Variants in GORAB observed in about 807,000 individuals in gnomAD.
GORAB encodes RAB6-interacting golgin.
Under a neutral mutation model 29.9 loss-of-function variants are expected in GORAB, and 17 were observed. The observed-to-expected ratio is 0.57, with a 90% CI of 0.39 to 0.85. The LOEUF (loss-of-function observed/expected upper bound fraction) is 0.85. Ranked by LOEUF, GORAB falls within the 40% of genes least tolerant of loss-of-function variation. The probability of loss-of-function intolerance (pLI) is 0.00; values close to 1 mark genes in which losing one functional copy is unlikely to be tolerated. For missense variants in GORAB, 442 were observed against 437.8 expected (o/e 1.01, Z -0.09); for synonymous variants, 183 against 157.2 (o/e 1.16, Z -1.23).
Position 170,552,375 on chromosome 1 carries a change from G to A in GORAB, c.1023G>A (p.Gln341=), listed in dbSNP as rs755608590. The change falls in exon 5 of 5, where the codon CAG becomes CAA. Residue 341 remains glutamine (Q), a synonymous_variant. Coordinates refer to ENST00000367763, the MANE Select transcript of GORAB (RefSeq NM_152281.3). ...EQAVSPKVDD[Q]CGNSSSIPFL... is the part of the protein sequence containing the mutation. ...CTGTTTCCCCAAAGGTAGATGACCA[G>A]TGTGGAAATTCCAGTAGCATCCCCT... 1 of 1,614,104 alleles carries A rather than the reference G, an allele frequency of 6.2e-7. No individual in the cohort carries two copies. Among genetic ancestry groups the A allele is most frequent in the South Asian group, 1.1e-5 (1 of 91,086 alleles).
At chr1:170,534,936 G>A (rs940617218) in intron 1 of GORAB, among the ~76,000 whole-genome samples, 1 of 152,168 alleles carries the variant, frequency 6.6e-6, no homozygotes, top group Non-Finnish European at 1.5e-5. Context: ...GTTAAGACAA[G>A]TTAAGCTAAA....
In GORAB at chr1:170,539,474, A is replaced by C. The variant is rs1226717928; in HGVS notation, c.326A>C (p.Glu109Ala). 4 of 1,614,028 alleles carry C rather than the reference A, an allele frequency of 2.5e-6. No individual in the cohort carries two copies. Among genetic ancestry groups the C allele is most frequent in the Non-Finnish European group, 3.4e-6 (4 of 1,180,004 alleles). The stretch of plus-strand genomic sequence containing the variant: ...CAGGGCATTGAAAGTCAGCCAAAGG[A>C]ACTGGGACTTGAGAATTCCCATGAT... ...QPQGIESQPK[E>A]LGLENSHDGH... is the part of the protein sequence containing the mutation. Residue 109 changes from glutamate to alanine, a missense_variant, in exon 2 of 5, where the codon GAA (glutamate) becomes GCA (alanine). Transcript: ENST00000367763.
rs1650243305 is a variant in GORAB at position 170,553,297 on chromosome 1, A to G, written c.*835A>G. ...AGTTATCTATAAATATGTTTTTGAT[A>G]TGTTGGACATGAATTACCCTGTCAT... On this transcript the variant is annotated 3_prime_UTR_variant, in exon 5 of 5. Coordinates refer to ENST00000367763, the MANE Select transcript of GORAB (RefSeq NM_152281.3). The G allele has an allele frequency of 2.2e-6, 1 of 451,082 alleles. No homozygotes were observed. The highest frequency in any genetic ancestry group is 2.0e-5 in the African/African-American group (1 of 49,948). 27.9% of individuals were successfully genotyped at this position (451,082 alleles called of 1,614,324 possible).
In GORAB at chr1:170,553,155, A is replaced by G. The variant is rs1364726833; in HGVS notation, c.*693A>G. ...TTACTATTTTATTGTCTTTCCTTTA[A>G]TCGATGAATTGATTAAATTTAGACA... is the stretch of plus-strand genomic sequence containing the variant. On this transcript the variant is annotated 3_prime_UTR_variant, in exon 5 of 5. Coordinates refer to ENST00000367763, the MANE Select transcript of GORAB (RefSeq NM_152281.3). The G allele has an allele frequency of 2.3e-6, 1 of 433,722 alleles. No individual in the cohort carries two copies. 26.9% of individuals were successfully genotyped at this position (433,722 alleles called of 1,614,324 possible).
At chr1:170,544,942 C>T (rs1205063246) in intron 4 of GORAB, 97 bp downstream of exon 4, 1 of 1,533,432 alleles carries the variant, frequency 6.5e-7, no homozygotes, top group Non-Finnish European at 8.8e-7. Flanking sequence ...TCATTGAAGC[C>T]TCAAAACAAC....
Position 170,552,526 on chromosome 1 carries a change from G to A in GORAB, c.*64G>A. ...AAGTATACTTTTTGCAGTAGATCAT[G>A]CCCTGACCTCCAATAAAAACCTCTT... is the stretch of plus-strand genomic sequence containing the variant. On this transcript the variant is annotated 3_prime_UTR_variant, in exon 5 of 5. Transcript: ENST00000367763. 1 of 1,282,584 alleles carries A rather than the reference G, an allele frequency of 7.8e-7. No individual in the cohort carries two copies. Among genetic ancestry groups the A allele is most frequent in the Non-Finnish European group, 1.1e-6 (1 of 883,766 alleles). 79.5% of individuals were successfully genotyped at this position (1,282,584 alleles called of 1,614,324 possible).
At chr1:170,533,628 G>A in intron 1 of GORAB, 1 of 437,642 alleles carries the variant, frequency 2.3e-6, no homozygotes. Context: ...AAGTTTGTGT[G>A]TTAGCAGAGG....
At chr1:170,547,398 C>T (rs1649826578) in intron 4 of GORAB, among the ~76,000 whole-genome samples, 1 of 90,440 alleles carries the variant, frequency 1.1e-5, no homozygotes, top group Non-Finnish European at 2.4e-5. Flanking sequence ...GAGAGAGTTG[C>T]TGCTGCTGCT....
rs561272998 is a variant in GORAB at position 170,548,625 on chromosome 1, C to G, written c.663-3390C>G. Among the ~76,000 whole-genome samples, 10 of 152,266 alleles carry G rather than the reference C, an allele frequency of 6.6e-5. No homozygotes were observed. In the South Asian group the frequency reaches 2.1e-3, roughly 32 times the overall value. On this transcript the variant is annotated intron_variant, in intron 4 of 4. Coordinates refer to ENST00000367763, the MANE Select transcript of GORAB (RefSeq NM_152281.3). Reference sequence around the variant, plus strand: ...TGTTTTCAGTCTTCTTTTATACTTTCTGGAGGTGACATGATACTTTGTACA... The same window carrying G: ...TGTTTTCAGTCTTCTTTTATACTTTGTGGAGGTGACATGATACTTTGTACA...
At chr1:170,540,932 G>C (rs921508852) in intron 2 of GORAB, among the ~76,000 whole-genome samples, 2 of 152,152 alleles carry the variant, frequency 1.3e-5, no homozygotes, top group Non-Finnish European at 2.9e-5. Flanking sequence ...GACAGGCGTG[G>C]TGGCCCACAC....
At chr1:170,541,470 T>C (rs1224246446) in intron 2 of GORAB, among the ~76,000 whole-genome samples, 1 of 151,932 alleles carries the variant, frequency 6.6e-6, no homozygotes, top group Non-Finnish European at 1.5e-5. Flanking sequence ...CTAAGGCGCC[T>C]GGTGAGGAGA....
At position 170,553,326 on chromosome 1, in the gene GORAB, G is replaced by A. The variant is rs754691262; in HGVS notation, c.*864G>A. On this transcript the variant is annotated 3_prime_UTR_variant, in exon 5 of 5. Coordinates refer to ENST00000367763, the MANE Select transcript of GORAB (RefSeq NM_152281.3). Reference sequence around the variant, plus strand: ...TGGACATGAATTACCCTGTCATGAAGCGTTTAAATTGTTAAAATGCTGATT... The same window carrying A: ...TGGACATGAATTACCCTGTCATGAAACGTTTAAATTGTTAAAATGCTGATT... 1.5e-5 allele frequency: 7 copies of A among 452,546 alleles called. No homozygotes were observed. Among genetic ancestry groups the A allele is most frequent in the South Asian group, 1.1e-4 (7 of 63,692 alleles). The allele number at this position is 452,546 out of a possible 1,614,324, so 28.0% of individuals were successfully genotyped here.
intron 4 of GORAB, 53 bp from the exon 5 acceptor site, chr1:170,551,962 A>G (rs1225611144): frequency 4.0e-6 from 6 of 1,483,594 alleles, no homozygotes; most frequent in Admixed American, 1.8e-5. Context: ...CCTCTTTTGA[A>G]TATCTTCTTC....
At chr1:170,547,425 CTGCTGCT>C in intron 4 of GORAB, among the ~76,000 whole-genome samples, 1 of 134,874 alleles carries the variant, frequency 7.4e-6, no homozygotes, top group Non-Finnish European at 1.5e-5. Context: ...ACTGCTGCTA[CTGCTGCT>C]ACTGCTGCTA....
intron 1 of GORAB, among the ~76,000 whole-genome samples, chr1:170,536,634 A>G (rs1003169672): frequency 2.0e-5 from 3 of 152,238 alleles, no homozygotes; most frequent in African/African-American, 7.2e-5. Flanking sequence ...TAAGAGACAC[A>G]TTATTGAAAT....
At chr1:170,542,633 A>G (rs1310439285) in intron 3 of GORAB, 41 bp downstream of exon 3, 15 of 1,237,960 alleles carry the variant, frequency 1.2e-5, no homozygotes, top group Non-Finnish European at 1.8e-5. Context: ...GTAACCTGTA[A>G]CCAGTTGTGT....
intron 1 of GORAB, among the ~76,000 whole-genome samples, chr1:170,534,620 T>A (rs988942851): frequency 7.9e-5 from 12 of 152,206 alleles, no homozygotes; most frequent in African/African-American, 2.9e-4. Context: ...CTATGCTTTT[T>A]CTATGTTTAG....
chr1:170,538,509 A>G (rs1430710975), intron 1 of GORAB, among the ~76,000 whole-genome samples: 1 of 152,184 alleles, frequency 6.6e-6, no homozygotes, highest in Admixed American at 6.5e-5. Flanking sequence ...ATTATTTATA[A>G]CTTTAAAGAT....
intron 1 of GORAB, among the ~76,000 whole-genome samples, chr1:170,534,806 A>C (rs1648952658): frequency 1.3e-5 from 2 of 152,182 alleles, no homozygotes; most frequent in South Asian, 4.1e-4. Context: ...AAATTGCCTT[A>C]CAACACATTT....
Sources: gnomAD v4.1 joint callset for allele counts (sites outside exome capture counted in the v4.1 genomes callset) on GRCh38, gnomAD v4.1.1 for gene constraint, MANE v1.5 for transcripts, NCBI Gene and HGNC (gene_info 2026-07-23, HGNC 2026-07-21) for gene names.